The following MDM4 variants were observed in gnomAD, a reference collection of about 807,000 sequenced individuals.
MDM4 encodes the protein protein Mdm4.
In MDM4, 2 loss-of-function variants were observed where a neutral mutation model predicts 60.2. The observed-to-expected ratio is 0.03, with a 90% CI of 0.01 to 0.10. MDM4 has a LOEUF of 0.10. Among genes scored for constraint, MDM4 ranks in the 10% least tolerant of loss-of-function variants. The pLI is 1.00. For synonymous variants in MDM4, 202 were observed against 198.1 expected (o/e 1.02, Z -0.17); for missense variants, 447 against 577.5 (o/e 0.77, Z 2.32).
rs980950365 is a variant in MDM4 at position 204,552,687 on chromosome 1, T to C, written c.*3005T>C. The C allele has an allele frequency of 3.3e-5, 6 of 179,306 alleles. No homozygotes were observed. Among genetic ancestry groups the C allele is most frequent in the South Asian group, 2.0e-4 (1 of 5,058 alleles). The allele number at this position is 179,306 out of a possible 1,614,324, so 11.1% of individuals were successfully genotyped here. A position where few individuals can be genotyped will look rare whatever the true frequency, so the allele number is the denominator to read the frequency against. ...ACTTATGTTTATAGGTATTTGATCC[T>C]AAATTTGACACATCATTGCCCATGA... On this transcript the variant is annotated 3_prime_UTR_variant, in exon 11 of 11. Coordinates refer to ENST00000367182, the MANE Select transcript of MDM4 (RefSeq NM_002393.5).
chr1:204,546,303 A>G (rs769480109), intron 9 of MDM4, among the ~76,000 whole-genome samples: 71 of 152,118 alleles, frequency 4.7e-4, no homozygotes, highest in African/African-American at 1.6e-3. Context: ...CTTGGGCTCA[A>G]GCGATTCTCT....
chr1:204,543,069 C>T (rs1662288744), intron 8 of MDM4, 125 bp downstream of exon 8: 1 of 772,384 alleles, frequency 1.3e-6, no homozygotes, highest in South Asian at 1.9e-5. Flanking sequence ...TAAATACCAT[C>T]TGTATGCATG....
In MDM4 at chr1:204,529,201, G is replaced by T; in HGVS notation, c.154-1483G>T. The T allele has an allele frequency of 2.6e-6, 2 of 759,810 alleles. 1 individual carries two copies. The highest frequency in any genetic ancestry group is 3.1e-5 in the South Asian group (2 of 64,304). 47.1% of individuals were successfully genotyped at this position (759,810 alleles called of 1,614,324 possible). On this transcript the variant is annotated intron_variant, in intron 3 of 10. Coordinates refer to ENST00000367182, the MANE Select transcript of MDM4 (RefSeq NM_002393.5). ...GTAGACATTTATGTGGCCTGATTAG[G>T]TCTTGTCAAACATGTTTATCATCAT...
chr1:204,517,695 C>T (rs912493331), intron 1 of MDM4, among the ~76,000 whole-genome samples: 2 of 151,876 alleles, frequency 1.3e-5, no homozygotes, highest in Non-Finnish European at 2.9e-5. Context: ...AGCCACCGTG[C>T]CCGGCCGAAA....
chr1:204,543,659 T>G (rs1248309293), intron 8 of MDM4, among the ~76,000 whole-genome samples: 5 of 152,242 alleles, frequency 3.3e-5, no homozygotes, highest in Non-Finnish European at 5.9e-5. Flanking sequence ...ACAGTTCCAG[T>G]AGGATCCATT....
At chr1:204,538,892 C>A (rs185735318) in intron 7 of MDM4, among the ~76,000 whole-genome samples, 1 of 110,666 alleles carries the variant, frequency 9.0e-6, no homozygotes, top group Admixed American at 1.2e-4. Context: ...TTTTTTGAGA[C>A]GGAGTCTCAT....
chr1:204,542,505 CTT>C (rs951546378), intron 7 of MDM4, among the ~76,000 whole-genome samples: 1 of 149,304 alleles, frequency 6.7e-6, no homozygotes, highest in Non-Finnish European at 1.5e-5. Context: ...CTTTTAGAGT[CTT>C]TTTTTTTTCC....
intron 3 of MDM4, among the ~76,000 whole-genome samples, chr1:204,528,430 T>C (rs1018829220): frequency 6.6e-6 from 1 of 152,170 alleles, no homozygotes; most frequent in Non-Finnish European, 1.5e-5. Context: ...AATGGGCTCA[T>C]GTGACAGGAT....
rs903145133 is a variant in MDM4, at chr1:204,550,203, C to G, written c.*521C>G. The G allele has an allele frequency of 4.6e-6, 1 of 219,336 alleles. No homozygotes were observed. The highest frequency in any genetic ancestry group is 8.8e-6 in the Non-Finnish European group (1 of 113,948). The allele number at this position is 219,336 out of a possible 1,614,324, so 13.6% of individuals were successfully genotyped here. A position where few individuals can be genotyped will look rare whatever the true frequency, so the allele number is the denominator to read the frequency against. The stretch of plus-strand genomic sequence containing the variant: ...GTGGGGCGACAGGGTCTGTCTTGTT[C>G]TGTCTCCCAGGCTGAAGTGCAGTGC... On this transcript the variant is annotated 3_prime_UTR_variant, in exon 11 of 11. Coordinates refer to ENST00000367182, the MANE Select transcript of MDM4 (RefSeq NM_002393.5).
intron 8 of MDM4, 103 bp from the exon 9 acceptor site, chr1:204,544,432 C>T (rs1662445749): frequency 9.0e-6 from 10 of 1,105,952 alleles, no homozygotes; most frequent in African/African-American, 4.7e-5. Flanking sequence ...TGTTCTTTGG[C>T]GATGTAGTGT....
chr1:204,546,627 A>G (rs1026029917), intron 9 of MDM4, among the ~76,000 whole-genome samples, 170 bp from the exon 10 acceptor site: 1 of 152,252 alleles, frequency 6.6e-6, no homozygotes, highest in African/African-American at 2.4e-5. Context: ...AATGCCAACT[A>G]GAAGTACAGA....
chr1:204,536,348 G>A (rs1043918066), intron 5 of MDM4, among the ~76,000 whole-genome samples: 6 of 152,164 alleles, frequency 3.9e-5, no homozygotes, highest in East Asian at 1.9e-4. Flanking sequence ...CAAACTTTTT[G>A]TTGTCTCCGT....
Position 204,519,107 on chromosome 1 carries a change from G to A in MDM4, c.-36+2598G>A, listed in dbSNP as rs188627457. Among the ~76,000 whole-genome samples the A allele has an allele frequency of 1.6e-4, 24 of 152,256 alleles. No individual in the cohort carries two copies. In the East Asian group the frequency reaches 4.2e-3, roughly 27 times the overall value. On this transcript the variant is annotated intron_variant, in intron 1 of 10. Transcript: ENST00000367182. Reference sequence around the variant, plus strand: ...CCTGTTTGAGAAACTAAAAGATCAGGGTGGCTGAGGCTCAAGATACGACTA... The same window carrying A: ...CCTGTTTGAGAAACTAAAAGATCAGAGTGGCTGAGGCTCAAGATACGACTA...
intron 4 of MDM4, 121 bp from the exon 5 acceptor site, chr1:204,532,060 CTGCCTTTGTA>C: frequency 1.8e-6 from 1 of 556,698 alleles, no homozygotes; most frequent in Admixed American, 3.5e-5. Context: ...GAAAAAGATT[CTGCCTTTGTA>C]TGCCTTACAG....
rs1663585048 is a variant in MDM4, at chr1:204,557,147, C to G, written c.*7465C>G. 1 of 197,618 alleles carries G rather than the reference C, an allele frequency of 5.1e-6. No homozygotes were observed. The highest frequency in any genetic ancestry group is 2.3e-5 in the African/African-American group (1 of 43,256). 12.2% of individuals were successfully genotyped at this position (197,618 alleles called of 1,614,324 possible). Reference sequence around the variant, plus strand: ...AGAACCTATTATGCTCTTGGTGTACCAAGCTCTGGGGTATATATTCAGAAT... The same window carrying G: ...AGAACCTATTATGCTCTTGGTGTACGAAGCTCTGGGGTATATATTCAGAAT... On this transcript the variant is annotated 3_prime_UTR_variant, in exon 11 of 11. Transcript: ENST00000367182.
chr1:204,529,396 C>T (rs781233487), intron 3 of MDM4: 30 of 1,140,548 alleles, frequency 2.6e-5, no homozygotes, highest in Non-Finnish European at 3.8e-5. Context: ...GGCTGCTGGG[C>T]ACCGTAGGAA....
intron 3 of MDM4, 144 bp downstream of exon 3, chr1:204,526,578 C>T: frequency 1.7e-6 from 1 of 599,466 alleles, no homozygotes; most frequent in South Asian, 2.0e-5. Flanking sequence ...ATTCTCCTGC[C>T]TCAGCCTCCC....
chr1:204,528,428 CAT>C (rs1391913172), intron 3 of MDM4, among the ~76,000 whole-genome samples: 3 of 152,192 alleles, frequency 2.0e-5, no homozygotes, highest in African/African-American at 7.2e-5. Context: ...AAAATGGGCT[CAT>C]GTGACAGGAT....
At chr1:204,525,423 A>G in intron 1 of MDM4, 61 bp from the exon 2 acceptor site, 1 of 1,494,786 alleles carries the variant, frequency 6.7e-7, no homozygotes, top group South Asian at 1.3e-5. Context: ...CCTTTGTGTG[A>G]ATGCTAAATA....
Sources: allele counts gnomAD v4.1 joint callset (sites outside exome capture counted in the v4.1 genomes callset), GRCh38; gene constraint gnomAD v4.1.1; transcripts MANE v1.5; gene names NCBI Gene and HGNC (gene_info 2026-07-23, HGNC 2026-07-21).